The following RAD54L2 variants were observed in gnomAD, a reference collection of about 807,000 sequenced individuals.
RAD54L2 encodes the protein RAD54 like 2.
In RAD54L2, 27 loss-of-function variants were observed where a neutral mutation model predicts 138.4. The observed-to-expected ratio is 0.20, with a 90% confidence interval of 0.14 to 0.27. The LOEUF (loss-of-function observed/expected upper bound fraction) is 0.27. Among genes scored for constraint, RAD54L2 ranks in the 10% least tolerant of loss-of-function variants. The probability of loss-of-function intolerance (pLI) is 1.00; values close to 1 mark genes in which losing one functional copy is unlikely to be tolerated. For missense variants in RAD54L2, 1,396 were observed against 1,890.2 expected (o/e 0.74, Z 4.85); for synonymous variants, 644 against 723.2 (o/e 0.89, Z 1.76).
chr3:51,638,464 G>T lies in RAD54L2; in HGVS notation c.1860+143G>T. The T allele has an allele frequency of 1.0e-6, 1 of 969,312 alleles. No individual in the cohort carries two copies. Among genetic ancestry groups the T allele is most frequent in the Non-Finnish European group, 1.5e-6 (1 of 661,734 alleles). 60.0% of individuals were successfully genotyped at this position (969,312 alleles called of 1,614,324 possible). The stretch of plus-strand genomic sequence containing the variant: ...CAGTTCACTGCACTGGAGGTTTGGG[G>T]GCTCCAAGGAGAGAGGTGATGGTTT... On this transcript the variant is annotated intron_variant, in intron 12 of 22. Transcript: ENST00000684192. This position sits in a 1 kb window ranked among gnomAD's most constrained non-coding sequence, Gnocchi z 4.3.
Position 51,645,795 on chromosome 3 carries a change from G to A in RAD54L2, c.2829+32G>A, listed in dbSNP as rs767234467. The A allele has an allele frequency of 6.4e-7, 1 of 1,572,770 alleles. No individual in the cohort carries two copies. The highest frequency in any genetic ancestry group is 1.2e-5 in the South Asian group (1 of 84,686). On this transcript the variant is annotated intron_variant, in intron 18 of 22. Coordinates refer to ENST00000684192, the MANE Select transcript of RAD54L2 (RefSeq NM_015106.4). The surrounding 1 kb of genome is among the most constrained non-coding windows in gnomAD (Gnocchi z 6.1). The stretch of plus-strand genomic sequence containing the variant: ...ACTTGGTATGCATGCAATCCCCAGA[G>A]TGGCAGTCTCTCTGTCAAAGGAGGC...
chr3:51,603,415 G>T (rs1262896399), intron 3 of RAD54L2, among the ~76,000 whole-genome samples: 1 of 152,090 alleles, frequency 6.6e-6, no homozygotes, highest in Non-Finnish European at 1.5e-5. Flanking sequence ...AGATCAGCCT[G>T]GCCAACAAGG....
intron 3 of RAD54L2, among the ~76,000 whole-genome samples, chr3:51,591,789 C>T (rs966941079): frequency 2.6e-5 from 4 of 152,156 alleles, no homozygotes; most frequent in African/African-American, 4.8e-5. Context: ...ATTGGGTTCT[C>T]ATAATTGTAT....
At chr3:51,557,180 CTTTTT>C (rs58428110) in intron 2 of RAD54L2, among the ~76,000 whole-genome samples, 1 of 113,342 alleles carries the variant, frequency 8.8e-6, no homozygotes, top group Admixed American at 1.0e-4. Flanking sequence ...TTGTTGTTGG[CTTTTT>C]TTTTTTTTTT....
chr3:51,629,993 A>G (rs1429021282), intron 5 of RAD54L2, among the ~76,000 whole-genome samples: 6 of 152,254 alleles, frequency 3.9e-5, no homozygotes. Flanking sequence ...TGTACTCTTT[A>G]AATAGGTTTT....
intron 2 of RAD54L2, among the ~76,000 whole-genome samples, chr3:51,583,845 C>CTT (rs34632307): frequency 2.2e-4 from 31 of 139,442 alleles, no homozygotes; most frequent in Admixed American, 1.3e-3. Flanking sequence ...CTTTGAATGG[C>CTT]TTTTTTTTTT....
In RAD54L2 at chr3:51,545,931, CT is replaced by C. The variant is rs781819728; in HGVS notation, c.-55+4305del. On this transcript the variant is annotated intron_variant, in intron 2 of 22. Transcript: ENST00000684192. Reference sequence around the variant, plus strand: ...AAGGTTATCAAAGCCTACATCAATTCTTTTTTTTTTTTTTTTTTTTTTTTGG... The same window carrying C: ...AAGGTTATCAAAGCCTACATCAATTCTTTTTTTTTTTTTTTTTTTTTTTGG... Among the ~76,000 whole-genome samples the C allele has an allele frequency of 8.7e-3, 688 of 79,478 alleles. 4 individuals are homozygous for C. The highest frequency in any genetic ancestry group is 0.024 in the African/African-American group (467 of 19,592). The allele number at this position is 79,478 out of a possible 152,430, so 52.1% of individuals were successfully genotyped here. A position where few individuals can be genotyped will look rare whatever the true frequency, so the allele number is the denominator to read the frequency against.
rs750816966 is a variant in RAD54L2 at position 51,630,830 on chromosome 3, C to T, written c.724C>T (p.Arg242Cys). The T allele has an allele frequency of 1.4e-5, 22 of 1,613,920 alleles. No homozygotes were observed. Among genetic ancestry groups the T allele is most frequent in the South Asian group, 9.9e-5 (9 of 91,092 alleles). ...GTHVNDVLNQ[R>C]DALGRVLVNL... ...CCATGTCAATGATGTCTTAAACCAG[C>T]GTGACGCCCTTGGGCGGGTCCTTGT... Residue 242 changes from arginine (R) to cysteine (C), a missense_variant, in exon 7 of 23, where the codon CGT becomes TGT. Around this residue, in one of 7 missense-constraint regions of RAD54L2, gnomAD observed 256 missense variants for 344.6 expected, o/e 0.74. Transcript: ENST00000684192.
chr3:51,648,808 C>T lies in RAD54L2; in HGVS notation c.3026+2327C>T, dbSNP rs1701352886. On this transcript the variant is annotated intron_variant, in intron 19 of 22. Coordinates refer to ENST00000684192, the MANE Select transcript of RAD54L2 (RefSeq NM_015106.4). ...AACCCCATCTGTAGGTCACCATCAT[C>T]AAAGACCAAAGGTAGATAAAACCAC... is the stretch of plus-strand genomic sequence containing the variant. 7.2e-5 allele frequency among the ~76,000 whole-genome samples: 11 copies of T among 152,156 alleles called. No homozygotes were observed. In the South Asian group the frequency reaches 2.3e-3, roughly 32 times the overall value.
chr3:51,594,197 A>G (rs1361142780), intron 3 of RAD54L2, among the ~76,000 whole-genome samples: 2 of 149,920 alleles, frequency 1.3e-5, no homozygotes, highest in African/African-American at 4.9e-5. Flanking sequence ...CAGCCTCCCG[A>G]GTAGTAGCTG....
In RAD54L2 at chr3:51,662,164, G is replaced by A. The variant is rs1020816381; in HGVS notation, c.3410-262G>A. ...CTTAGTGTTTCATATCCCTTATCTC[G>A]TAGGATTCATTTTGGTATAGTTTTA... On this transcript the variant is annotated intron_variant, in intron 22 of 22. Coordinates refer to ENST00000684192, the MANE Select transcript of RAD54L2 (RefSeq NM_015106.4). This position sits in a 1 kb window ranked among gnomAD's most constrained non-coding sequence, Gnocchi z 4.6. Among the ~76,000 whole-genome samples the A allele has an allele frequency of 4.6e-5, 7 of 152,026 alleles. No homozygotes were observed. The highest frequency in any genetic ancestry group is 2.1e-4 in the South Asian group (1 of 4,822).
intron 2 of RAD54L2, among the ~76,000 whole-genome samples, chr3:51,579,696 G>A (rs1476014652): frequency 6.6e-6 from 1 of 152,148 alleles, no homozygotes; most frequent in Non-Finnish European, 1.5e-5. Flanking sequence ...TAAAGGTACA[G>A]TTTAGGGGCA....
At chr3:51,555,283 C>T (rs1402341887) in intron 2 of RAD54L2, among the ~76,000 whole-genome samples, 1 of 152,072 alleles carries the variant, frequency 6.6e-6, no homozygotes, top group Non-Finnish European at 1.5e-5. Flanking sequence ...ATGTATACTT[C>T]ACAGATACTG....
rs145812228 is a variant in RAD54L2 at position 51,597,165 on chromosome 3, C to CAA, written c.139+6629_139+6630dup. 7.5e-3 allele frequency among the ~76,000 whole-genome samples: 366 copies of CAA among 49,018 alleles called. 10 individuals carry two copies. Among genetic ancestry groups the CAA allele is most frequent in the African/African-American group, 0.022 (293 of 13,114 alleles). The allele number at this position is 49,018 out of a possible 152,430, so 32.2% of individuals were successfully genotyped here. A position where few individuals can be genotyped will look rare whatever the true frequency, so the allele number is the denominator to read the frequency against. On this transcript the variant is annotated intron_variant, in intron 3 of 22. Coordinates refer to ENST00000684192, the MANE Select transcript of RAD54L2 (RefSeq NM_015106.4). Reference sequence around the variant, plus strand: ...GGGGGACAAGAGCAAGACTTCATTTCAAAAAAAAAAAAAAAAAAAAAAAAC... The same window carrying CAA: ...GGGGGACAAGAGCAAGACTTCATTTCAAAAAAAAAAAAAAAAAAAAAAAAAAC...
At position 51,635,600 on chromosome 3, in the gene RAD54L2, G is replaced by A; in HGVS notation, c.1150G>A (p.Ala384Thr). 4 of 1,600,508 alleles carry A rather than the reference G, an allele frequency of 2.5e-6. No homozygotes were observed. The highest frequency in any genetic ancestry group is 2.3e-5 in the South Asian group (2 of 88,816). Residue 384 changes from alanine (A) to threonine (T), a missense_variant, in exon 10 of 23, where the codon GCA (alanine) becomes ACA (threonine). Around this residue, in one of 7 missense-constraint regions of RAD54L2, gnomAD observed 169 missense variants for 235.6 expected, o/e 0.72. Coordinates refer to ENST00000684192, the MANE Select transcript of RAD54L2 (RefSeq NM_015106.4). ...TCTCTGTTCATCTTGCAGGACGATG[G>A]CATCTCGTGCTAAAGTGATGGCTGA... ...HILNDEHKTM[A>T]SRAKVMADWV...
intron 3 of RAD54L2, among the ~76,000 whole-genome samples, chr3:51,608,876 C>G (rs1001289859): frequency 6.6e-6 from 1 of 152,020 alleles, no homozygotes; most frequent in African/African-American, 2.4e-5. Context: ...GAGGGAGGGG[C>G]AGGGGGAGGG....
intron 3 of RAD54L2, among the ~76,000 whole-genome samples, chr3:51,595,256 G>A (rs1290545823): frequency 6.6e-6 from 1 of 152,174 alleles, no homozygotes; most frequent in Admixed American, 6.5e-5. Context: ...CTGTAGACAG[G>A]GAGGATCAGT....
chr3:51,603,371 C>T lies in RAD54L2; in HGVS notation c.139+12812C>T, dbSNP rs187250169. 2.8e-4 allele frequency among the ~76,000 whole-genome samples: 43 copies of T among 151,968 alleles called. No individual in the cohort carries two copies. In the Middle Eastern group the frequency reaches 0.01, roughly 36 times the overall value. ...CTGTAATCCCAGCACTTTGGGAGGC[C>T]GAGGCAGGTGGATCACTTGAAGTTG... is the stretch of plus-strand genomic sequence containing the variant. On this transcript the variant is annotated intron_variant, in intron 3 of 22. Coordinates refer to ENST00000684192, the MANE Select transcript of RAD54L2 (RefSeq NM_015106.4).
chr3:51,578,375 G>T (rs1436273210), intron 2 of RAD54L2, among the ~76,000 whole-genome samples: 1 of 152,148 alleles, frequency 6.6e-6, no homozygotes, highest in African/African-American at 2.4e-5. Context: ...TAACTCATTT[G>T]TGTAATTCAA....
Sources: gnomAD v4.1 joint callset for allele counts (sites outside exome capture counted in the v4.1 genomes callset) on GRCh38, gnomAD v4.1.1 for gene constraint, gnomAD v4.1.1 regional missense constraint, Gnocchi (gnomAD v3.1) non-coding constraint, MANE v1.5 for transcripts, NCBI Gene and HGNC (gene_info 2026-07-23, HGNC 2026-07-21) for gene names.